The following PHF21A variants were observed in gnomAD, a reference collection of about 807,000 sequenced individuals.
PHF21A encodes PHD finger protein 21A, also known as BHC80a.
A neutral mutation model predicts 82.5 loss-of-function variants in PHF21A; 11 were observed. The observed-to-expected ratio is 0.13, with a 90% CI of 0.08 to 0.22. The LOEUF (loss-of-function observed/expected upper bound fraction) is 0.22. Ranked by LOEUF, PHF21A falls within the 10% of genes least tolerant of loss-of-function variation. PHF21A has a pLI of 1.00. For missense variants in PHF21A, 579 were observed against 837.8 expected (o/e 0.69, Z 3.81); for synonymous variants, 297 against 302.8 (o/e 0.98, Z 0.20).
chr11:45,936,530 A>G lies in PHF21A; in HGVS notation c.1648T>C (p.Leu550=). 1 of 1,613,590 alleles carries G rather than the reference A, an allele frequency of 6.2e-7. No individual in the cohort carries two copies. The highest frequency in any genetic ancestry group is 8.5e-7 in the Non-Finnish European group (1 of 1,179,460). ...KEEAIPWPGT[L]AIVHSYIAYK... is the part of the protein sequence containing the mutation. ...GCAATATAGGAATGAACAATTGCTA[A>G]AGTTCCAGGCCATGGAATTGCTTCT... The change falls in exon 17 of 19, where the codon TTA becomes CTA. Residue 550 remains leucine, a synonymous_variant. Transcript: ENST00000676320.
At chr11:46,095,802 T>G (rs1250260018) in intron 1 of PHF21A, among the ~76,000 whole-genome samples, 1 of 152,230 alleles carries the variant, frequency 6.6e-6, no homozygotes, top group Non-Finnish European at 1.5e-5. Flanking sequence ...GGCTAAAATT[T>G]AATTCACCCT....
intron 6 of PHF21A, among the ~76,000 whole-genome samples, chr11:45,995,207 A>G (rs1292769889): frequency 2.0e-5 from 3 of 152,224 alleles, no homozygotes; most frequent in Non-Finnish European, 2.9e-5. Context: ...GATGGGATAC[A>G]GTGGAACGAA....
At chr11:45,984,554 A>C (rs2094430574) in intron 6 of PHF21A, among the ~76,000 whole-genome samples, 1 of 152,206 alleles carries the variant, frequency 6.6e-6, no homozygotes, top group South Asian at 2.1e-4. Flanking sequence ...AAAAATACGG[A>C]ATTTTATAGG....
intron 1 of PHF21A, among the ~76,000 whole-genome samples, chr11:46,109,302 C>T (rs568195107): frequency 1.4e-4 from 22 of 152,186 alleles, no homozygotes; most frequent in African/African-American, 5.1e-4. Context: ...AGGATTAAAA[C>T]TAAATAAGAT....
chr11:45,981,757 T>C (rs866012298), intron 6 of PHF21A, among the ~76,000 whole-genome samples: 3 of 152,312 alleles, frequency 2.0e-5, no homozygotes, highest in African/African-American at 7.2e-5. Context: ...TGCCTGCTTA[T>C]GGCTCTAACC....
At chr11:46,104,932 T>A (rs1244886095) in intron 1 of PHF21A, among the ~76,000 whole-genome samples, 1 of 152,192 alleles carries the variant, frequency 6.6e-6, no homozygotes, top group Admixed American at 6.5e-5. Flanking sequence ...ATGCCAAAGC[T>A]CAGGCTCTTA....
chr11:45,944,448 G>A (rs557626773), intron 15 of PHF21A, among the ~76,000 whole-genome samples: 6 of 152,134 alleles, frequency 3.9e-5, no homozygotes, highest in African/African-American at 9.6e-5. Flanking sequence ...AATAAATACC[G>A]AAAAATTATG....
At chr11:45,953,291 T>G (rs939637847) in intron 11 of PHF21A, among the ~76,000 whole-genome samples, 1 of 152,234 alleles carries the variant, frequency 6.6e-6, no homozygotes, top group Non-Finnish European at 1.5e-5. Flanking sequence ...TTAAAAAACT[T>G]TTCCTTTGAT....
At chr11:46,051,734 G>A (rs994701083) in intron 6 of PHF21A, among the ~76,000 whole-genome samples, 12 of 152,134 alleles carry the variant, frequency 7.9e-5, no homozygotes, top group Non-Finnish European at 1.8e-4. Context: ...CTGCTACCAC[G>A]AAGGAAGATA....
intron 14 of PHF21A, among the ~76,000 whole-genome samples, chr11:45,946,783 G>A (rs2135407426): frequency 6.6e-6 from 1 of 152,228 alleles, no homozygotes; most frequent in Non-Finnish European, 1.5e-5. Flanking sequence ...GATTTATTTA[G>A]GATTTCTGCT....
In PHF21A at chr11:45,933,879, T is replaced by C; in HGVS notation, c.*89A>G. ...AAAGAACCAAAAGAATTCTGCACTT[T>C]CCAGAAATCCGGCTTTGCTTTTCTA... is the stretch of plus-strand genomic sequence containing the variant. On this transcript the variant is annotated 3_prime_UTR_variant, in exon 19 of 19. Coordinates refer to ENST00000676320, the MANE Select transcript of PHF21A (RefSeq NM_001352027.3). 1 of 1,304,796 alleles carries C rather than the reference T, an allele frequency of 7.7e-7. No individual in the cohort carries two copies. The highest frequency in any genetic ancestry group is 1.0e-6 in the Non-Finnish European group (1 of 964,268). 80.8% of individuals were successfully genotyped at this position (1,304,796 alleles called of 1,614,324 possible).
chr11:46,057,575 T>C (rs2096477980), intron 6 of PHF21A, among the ~76,000 whole-genome samples: 1 of 151,920 alleles, frequency 6.6e-6, no homozygotes, highest in Non-Finnish European at 1.5e-5. Flanking sequence ...AGAAAGAGAG[T>C]TGGTATCTCT....
intron 2 of PHF21A, among the ~76,000 whole-genome samples, chr11:46,091,462 T>C (rs1320780337): frequency 2.0e-5 from 3 of 152,226 alleles, no homozygotes; most frequent in Non-Finnish European, 4.4e-5. Context: ...TTTGCCTGTA[T>C]GCCCCACAAT....
chr11:46,033,487 C>T (rs983473250), intron 6 of PHF21A, among the ~76,000 whole-genome samples: 1 of 152,280 alleles, frequency 6.6e-6, no homozygotes, highest in African/African-American at 2.4e-5. Flanking sequence ...TGGTCTTGAA[C>T]TCCTGGGCTC....
intron 1 of PHF21A, among the ~76,000 whole-genome samples, chr11:46,102,556 A>G (rs1045267013): frequency 1.3e-5 from 2 of 152,350 alleles, no homozygotes; most frequent in East Asian, 1.9e-4. Context: ...TAATTCTCCA[A>G]TTAGGTCCAT....
At chr11:46,095,861 T>C (rs2096987816) in intron 1 of PHF21A, among the ~76,000 whole-genome samples, 2 of 152,132 alleles carry the variant, frequency 1.3e-5, no homozygotes, top group African/African-American at 2.4e-5. Context: ...CAATCATAAA[T>C]TTTGATAAGG....
chr11:46,077,951 G>A (rs1028007229), intron 5 of PHF21A, among the ~76,000 whole-genome samples: 9 of 151,824 alleles, frequency 5.9e-5, no homozygotes, highest in Non-Finnish European at 8.8e-5. Flanking sequence ...TCACTCTGTC[G>A]TCCAGGCTGG....
Position 46,084,182 on chromosome 11 carries a change from TC to T in PHF21A, c.37del (p.Glu13LysfsTer12). ...LQTLQEALKVEIQVHQKLVAQ... is the reference protein window; with the variant it reads ...LQTLQEALKVXIQVHQKLVAQ... ...ACAACTTACCTGGTGAACCTGAATT[TC>T]CACTTTAAGAGCCTCCTGTAGAGTC... On this transcript the variant is annotated frameshift_variant, in exon 4 of 19. Transcript: ENST00000676320. LOFTEE classifies it high-confidence loss of function. 1 of 1,600,980 alleles carries T rather than the reference TC, an allele frequency of 6.2e-7. No individual in the cohort carries two copies. Among genetic ancestry groups the T allele is most frequent in the African/African-American group, 1.4e-5 (1 of 73,952 alleles).
intron 6 of PHF21A, among the ~76,000 whole-genome samples, chr11:45,990,009 A>G (rs1756134439): frequency 6.6e-6 from 1 of 152,102 alleles, no homozygotes; most frequent in South Asian, 2.1e-4. Flanking sequence ...AAATAAATAA[A>G]ATTAAAAGAA....
Sources: gnomAD v4.1 joint callset for allele counts (sites outside exome capture counted in the v4.1 genomes callset) on GRCh38, gnomAD v4.1.1 for gene constraint, MANE v1.5 for transcripts, NCBI Gene and HGNC (gene_info 2026-07-23, HGNC 2026-07-21) for gene names.